CCDC136: variants seen among roughly 807,000 people sequenced by gnomAD.
The protein encoded by CCDC136 is coiled-coil domain containing 136.
CCDC136 carries 100 observed loss-of-function variants against 141.2 expected under a neutral mutation model. The ratio of observed to expected loss-of-function variants is 0.71; its 90% CI spans 0.60 to 0.84. The LOEUF is 0.84. Ranked by LOEUF, CCDC136 falls within the 40% of genes least tolerant of loss-of-function variation. The pLI is 0.00. For missense variants in CCDC136, 1,206 were observed against 1,379.4 expected (o/e 0.87, Z 1.99); for synonymous variants, 474 against 531.9 (o/e 0.89, Z 1.50).
At chr7:128,820,723 G>A (rs896098868) in intron 17 of CCDC136, among the ~76,000 whole-genome samples, 17 of 152,136 alleles carry the variant, frequency 1.1e-4, no homozygotes, top group Admixed American at 4.6e-4. Context: ...CTCAGCCTCC[G>A]GATCTCTTGG....
chr7:128,814,544 G>C, intron 14 of CCDC136, 94 bp from the exon 15 acceptor site: 1 of 916,594 alleles, frequency 1.1e-6, no homozygotes, highest in Non-Finnish European at 1.6e-6. Context: ...TTCTGAGACA[G>C]TGACCCCCAA....
At chr7:128,812,427 G>T in intron 13 of CCDC136, 115 bp downstream of exon 13, 1 of 1,165,534 alleles carries the variant, frequency 8.6e-7, no homozygotes, top group Non-Finnish European at 1.2e-6. Context: ...AACTGACCTG[G>T]GGAACTATTG....
At chr7:128,791,664 AAAG>A (rs1356266613), upstream of CCDC136, 8 of 673,910 alleles carry the variant, frequency 1.2e-5, no homozygotes, top group Non-Finnish European at 1.7e-5. This position sits in a 1 kb window ranked among gnomAD's most constrained non-coding sequence, Gnocchi z 7.1. Flanking sequence ...TTCTCCGCCC[AAAG>A]TCTTCCTCCC....
At chr7:128,792,578 C>G in intron 1 of CCDC136, 151 bp downstream of exon 1, 1 of 606,114 alleles carries the variant, frequency 1.6e-6, no homozygotes, top group Admixed American at 3.3e-5. Flanking sequence ...AGCTCCAGCC[C>G]TTCCCAGGGC....
At chr7:128,800,748 C>T (rs375968730) in intron 3 of CCDC136, among the ~76,000 whole-genome samples, 3 of 152,212 alleles carry the variant, frequency 2.0e-5, no homozygotes, top group East Asian at 3.8e-4. Context: ...GTCATGGGAA[C>T]TCTGAGGCTC....
chr7:128,798,169 T>A (rs377382430), intron 3 of CCDC136, among the ~76,000 whole-genome samples: 1 of 149,684 alleles, frequency 6.7e-6, no homozygotes, highest in African/African-American at 2.5e-5. Flanking sequence ...CGCCCGCCTC[T>A]GCCTCCCAAA....
In CCDC136 at chr7:128,817,819, C is replaced by A. The variant is rs750620928; in HGVS notation, c.3425C>A (p.Ser1142Ter). 6.2e-7 allele frequency: 1 copy of A among 1,613,876 alleles called. No homozygotes were observed. The highest frequency in any genetic ancestry group is 8.5e-7 in the Non-Finnish European group (1 of 1,179,864). ...CCTCTTGTAGGCCTGGTGGTCATCT[C>A]GGCTTTGCTCTGGTGCTGGTGGGCT... ...SLPLVGLVVI[S>*]ALLWCWWAET... The change falls in exon 17 of 18, where the codon TCG becomes TAG. Residue 1142 changes from serine (S) to a stop codon, truncating the protein, a stop_gained. Coordinates refer to ENST00000297788, the MANE Select transcript of CCDC136 (RefSeq NM_022742.5). LOFTEE classifies it high-confidence loss of function. The surrounding 1 kb of genome is among the most constrained non-coding windows in gnomAD (Gnocchi z 4.6).
chr7:128,796,739 A>ATATATATATATATTTTTTT, intron 3 of CCDC136, among the ~76,000 whole-genome samples: 28 of 113,376 alleles, frequency 2.5e-4, no homozygotes, highest in African/African-American at 5.5e-4. Context: ...ATATATATAT[A>ATATATATATATATTTTTTT]TTCTTTTTTT....
At position 128,814,639 on chromosome 7, in the gene CCDC136, T is replaced by C. The variant is rs1238616232; in HGVS notation, c.2765T>C (p.Ile922Thr). 6.4e-7 allele frequency: 1 copy of C among 1,568,518 alleles called. No homozygotes were observed. The highest frequency in any genetic ancestry group is 1.9e-5 in the Admixed American group (1 of 53,192). ...PMAPQNDKNE[I>T]KELQTKLREL... ...TAACTGGCCCTCCACTACCAACAGATCAAAGAACTGCAGACCAAGCTGCGG... is the reference window on the plus strand; with the variant it reads ...TAACTGGCCCTCCACTACCAACAGACCAAAGAACTGCAGACCAAGCTGCGG... Residue 922 changes from isoleucine to threonine, a missense_variant and splice_region_variant, in exon 15 of 18, where the codon ATC (isoleucine) becomes ACC (threonine). Transcript: ENST00000297788.
In CCDC136 at chr7:128,817,507, C is replaced by T. The variant is rs1415279480; in HGVS notation, c.3364-251C>T. On this transcript the variant is annotated intron_variant, in intron 16 of 17. Transcript: ENST00000297788. This position sits in a 1 kb window ranked among gnomAD's most constrained non-coding sequence, Gnocchi z 4.6. ...GAGACAGAAAGAAAACTGGACTCAC[C>T]GCCTGACTTGGACCTAGCTGCTGCT... 6.6e-6 allele frequency among the ~76,000 whole-genome samples: 1 copy of T among 152,196 alleles called. No individual in the cohort carries two copies.
chr7:128,812,457 A>T, intron 13 of CCDC136, 145 bp downstream of exon 13: 1 of 932,946 alleles, frequency 1.1e-6, no homozygotes. Context: ...GAAGCCCTCT[A>T]CCCATGGCAG....
intron 10 of CCDC136, chr7:128,808,422 T>A: frequency 1.1e-6 from 1 of 918,438 alleles, no homozygotes; most frequent in Non-Finnish European, 1.3e-6. Context: ...TAGCAGTAAA[T>A]CCTGGTAGTG....
intron 10 of CCDC136, 196 bp downstream of exon 10, chr7:128,807,741 G>C: frequency 2.5e-6 from 1 of 393,222 alleles, no homozygotes; most frequent in Non-Finnish European, 4.5e-6. Context: ...CAGCTTAGTA[G>C]GATCAATACC....
At chr7:128,804,566 G>A (rs1051466401) in intron 4 of CCDC136, 84 bp from the exon 5 acceptor site, 3 of 792,080 alleles carry the variant, frequency 3.8e-6, no homozygotes, top group Non-Finnish European at 6.5e-6. Context: ...TCTGCTCTCA[G>A]GTTTCAAGAC....
chr7:128,791,910 A>G, upstream of CCDC136: 1 of 526,658 alleles, frequency 1.9e-6, no homozygotes, highest in Middle Eastern at 6.3e-4. This position sits in a 1 kb window ranked among gnomAD's most constrained non-coding sequence, Gnocchi z 7.1. Context: ...ATGGGAGGAG[A>G]GGGGAGGGGA....
rs756351863 is a variant in CCDC136 at position 128,806,852 on chromosome 7, T to A, written c.1413T>A (p.Asn471Lys). 3.1e-6 allele frequency: 5 copies of A among 1,601,670 alleles called. No homozygotes were observed. Among genetic ancestry groups the A allele is most frequent in the Non-Finnish European group, 4.3e-6 (5 of 1,173,332 alleles). ...CGGTGGCCTCCTTCAAAGAGAGCAA[T>A]GAGAAGGTAAAAGAAGCTCCTGGTG... Reference protein sequence around the residue: ...RDTVASFKESNEKDTETHAQL... With the variant: ...RDTVASFKESKEKDTETHAQL... The change falls in exon 9 of 18, where the codon AAT (asparagine) becomes AAA (lysine). Residue 471 changes from asparagine (N) to lysine (K), a missense_variant. Coordinates refer to ENST00000297788, the MANE Select transcript of CCDC136 (RefSeq NM_022742.5).
At position 128,812,054 on chromosome 7, in the gene CCDC136, TTA is replaced by T; in HGVS notation, c.2285_2286del (p.Tyr762Ter). ...VPSNENCRKTYDTTVDDNESY... is the reference protein window; with the variant it reads ...VPSNENCRKTXDTTVDDNESY... ...CCAGCAATGAGAACTGTCGCAAGAC[TTA>T]TGATACCACTGTGGATGACAATGAG... On this transcript the variant is annotated frameshift_variant, in exon 13 of 18. Coordinates refer to ENST00000297788, the MANE Select transcript of CCDC136 (RefSeq NM_022742.5). LOFTEE classifies it high-confidence loss of function. The T allele has an allele frequency of 6.2e-7, 1 of 1,614,022 alleles. No homozygotes were observed. Among genetic ancestry groups the T allele is most frequent in the Non-Finnish European group, 8.5e-7 (1 of 1,179,884 alleles).
chr7:128,794,045 G>C lies in CCDC136; in HGVS notation c.17-303G>C, dbSNP rs948343038. On this transcript the variant is annotated intron_variant, in intron 1 of 17. Coordinates refer to ENST00000297788, the MANE Select transcript of CCDC136 (RefSeq NM_022742.5). The surrounding 1 kb of genome is among the most constrained non-coding windows in gnomAD (Gnocchi z 4.3). Reference sequence around the variant, plus strand: ...CTCAGAGGCCAGCCTAGAAGAAGCAGGTAATCCTGTGCAAGTGTCTCATGG... The same window carrying C: ...CTCAGAGGCCAGCCTAGAAGAAGCACGTAATCCTGTGCAAGTGTCTCATGG... Among the ~76,000 whole-genome samples the C allele has an allele frequency of 1.3e-5, 2 of 152,236 alleles. No homozygotes were observed. The highest frequency in any genetic ancestry group is 2.9e-5 in the Non-Finnish European group (2 of 68,046).
intron 3 of CCDC136, among the ~76,000 whole-genome samples, chr7:128,795,559 G>A (rs963914053): frequency 6.6e-6 from 1 of 151,912 alleles, no homozygotes; most frequent in African/African-American, 2.4e-5. Flanking sequence ...AGAGGAGACG[G>A]GGACAGAAAA....
Sources: gnomAD v4.1 joint callset for allele counts (sites outside exome capture counted in the v4.1 genomes callset) on GRCh38, gnomAD v4.1.1 for gene constraint, Gnocchi (gnomAD v3.1) non-coding constraint, MANE v1.5 for transcripts, NCBI Gene and HGNC (gene_info 2026-07-23, HGNC 2026-07-21) for gene names.